Variants in SHOC2 observed in about 807,000 individuals in gnomAD.
The protein encoded by SHOC2 is leucine-rich repeat protein SHOC-2.
Under a neutral mutation model 50.2 loss-of-function variants are expected in SHOC2, and 4 were observed. That is an observed-to-expected ratio of 0.08 (90% CI 0.04 to 0.18). The LOEUF is 0.18. Among genes scored for constraint, SHOC2 ranks in the 10% least tolerant of loss-of-function variants. The probability of loss-of-function intolerance (pLI) is 1.00; values close to 1 mark genes in which losing one functional copy is unlikely to be tolerated. For missense variants in SHOC2, 388 were observed against 669.6 expected (o/e 0.58, Z 4.64); for synonymous variants, 218 against 244.5 (o/e 0.89, Z 1.01).
At chr10:110,981,866 ATTTATTT>A (rs1298339377) in intron 2 of SHOC2, among the ~76,000 whole-genome samples, 4 of 2,256 alleles carry the variant, frequency 1.8e-3, no homozygotes, top group Non-Finnish European at 0.011. Context: ...TTATTTATTT[ATTTATTT>A]TTTTAAGTTT....
intron 5 of SHOC2, among the ~76,000 whole-genome samples, chr10:111,006,795 C>T (rs1848476945): frequency 2.0e-5 from 3 of 152,188 alleles, no homozygotes; most frequent in South Asian, 4.1e-4. Flanking sequence ...TGATTATCCT[C>T]TCCCAATACC....
chr10:110,985,843 G>T, intron 3 of SHOC2, 78 bp downstream of exon 3: 1 of 1,275,450 alleles, frequency 7.8e-7, no homozygotes. Flanking sequence ...GATCCATTTG[G>T]TAATGAAAAT....
At chr10:110,962,746 A>G (rs1428389018) in intron 1 of SHOC2, among the ~76,000 whole-genome samples, 3 of 152,126 alleles carry the variant, frequency 2.0e-5, no homozygotes, top group Admixed American at 2.0e-4. Flanking sequence ...CCCACCTGTA[A>G]TGCTTTGCCA....
At chr10:111,003,604 C>T (rs1848418627) in intron 4 of SHOC2, among the ~76,000 whole-genome samples, 1 of 152,082 alleles carries the variant, frequency 6.6e-6, no homozygotes. Flanking sequence ...GCCAAAGTCA[C>T]AAGCTATTTA....
chr10:110,985,846 A>G, intron 3 of SHOC2, 81 bp downstream of exon 3: 1 of 1,243,880 alleles, frequency 8.0e-7, no homozygotes, highest in Non-Finnish European at 1.2e-6. Context: ...CCATTTGGTA[A>G]TGAAAATTCA....
chr10:110,976,971 C>T (rs1387414212), intron 2 of SHOC2, among the ~76,000 whole-genome samples: 1 of 151,982 alleles, frequency 6.6e-6, no homozygotes, highest in Non-Finnish European at 1.5e-5. Context: ...AATTTTATTG[C>T]TATTTTTTTG....
intron 1 of SHOC2, among the ~76,000 whole-genome samples, chr10:110,945,309 C>T (rs1847226045): frequency 6.6e-6 from 1 of 152,148 alleles, no homozygotes; most frequent in South Asian, 2.1e-4. Flanking sequence ...GAGAATGAAG[C>T]TTTGAATGAG....
chr10:110,927,941 A>C (rs1018024481), intron 1 of SHOC2, among the ~76,000 whole-genome samples: 1 of 152,192 alleles, frequency 6.6e-6, no homozygotes, highest in Non-Finnish European at 1.5e-5. Flanking sequence ...TTATTAGAAA[A>C]AGTTTGATAA....
At chr10:110,990,326 A>G (rs559215842) in intron 3 of SHOC2, among the ~76,000 whole-genome samples, 216 of 151,412 alleles carry the variant, frequency 1.4e-3, no homozygotes, top group African/African-American at 4.7e-3. Context: ...GAGTGCACCA[A>G]TGGACACTCT....
intron 2 of SHOC2, among the ~76,000 whole-genome samples, chr10:110,967,050 T>A (rs1321917514): frequency 6.6e-6 from 1 of 152,104 alleles, no homozygotes; most frequent in Non-Finnish European, 1.5e-5. Context: ...TAAAGGTTAG[T>A]AAAAATAACA....
chr10:110,931,956 A>G (rs1421053706), intron 1 of SHOC2, among the ~76,000 whole-genome samples: 3 of 152,200 alleles, frequency 2.0e-5, no homozygotes, highest in Non-Finnish European at 4.4e-5. Flanking sequence ...TAATAATAGC[A>G]TGATAAGTGT....
At chr10:110,934,021 G>T (rs571562119) in intron 1 of SHOC2, among the ~76,000 whole-genome samples, 25 of 152,148 alleles carry the variant, frequency 1.6e-4, no homozygotes, top group Middle Eastern at 3.4e-3. Flanking sequence ...GGAAAGATCT[G>T]CACACTCTTA....
At chr10:111,005,625 A>G (rs1848452679) in intron 5 of SHOC2, among the ~76,000 whole-genome samples, 2 of 152,210 alleles carry the variant, frequency 1.3e-5, no homozygotes, top group African/African-American at 4.8e-5. Flanking sequence ...TTTAGAGATC[A>G]GAATTATTTA....
chr10:110,964,676 C>T lies in SHOC2; in HGVS notation c.318C>T (p.Asp106=). 1 of 1,614,088 alleles carries T rather than the reference C, an allele frequency of 6.2e-7. No homozygotes were observed. Among genetic ancestry groups the T allele is most frequent in the South Asian group, 1.1e-5 (1 of 91,088 alleles). ...KCREENSMRL[D]LSKRSIHILP... ...GGGAAGAGAATTCAATGCGTTTGGA[C>T]TTATCCAAGAGATCTATACACATAT... Residue 106 remains aspartate (D), a synonymous_variant, in exon 2 of 9, where the codon GAC becomes GAT. Transcript: ENST00000369452. This position sits in a 1 kb window ranked among gnomAD's most constrained non-coding sequence, Gnocchi z 4.9.
At chr10:110,963,595 C>G (rs1847614869) in intron 1 of SHOC2, among the ~76,000 whole-genome samples, 1 of 152,138 alleles carries the variant, frequency 6.6e-6, no homozygotes, top group Admixed American at 6.5e-5. Flanking sequence ...TTAATTGTAG[C>G]TAGAACTGTT....
chr10:110,972,213 A>T (rs1193374160), intron 2 of SHOC2, among the ~76,000 whole-genome samples: 1 of 151,570 alleles, frequency 6.6e-6, no homozygotes, highest in Non-Finnish European at 1.5e-5. Flanking sequence ...ACTTTATTTT[A>T]GTACAGCATT....
chr10:110,969,316 C>G (rs377529436), intron 2 of SHOC2, among the ~76,000 whole-genome samples: 1 of 152,114 alleles, frequency 6.6e-6, no homozygotes, highest in East Asian at 1.9e-4. Flanking sequence ...AGTCAAGAAC[C>G]CATGTTTTCA....
intron 1 of SHOC2, among the ~76,000 whole-genome samples, chr10:110,925,958 T>A (rs1846762729): frequency 6.6e-6 from 1 of 152,210 alleles, no homozygotes; most frequent in African/African-American, 2.4e-5. Context: ...GCCTTAAACA[T>A]GTTGTTACAC....
intron 2 of SHOC2, among the ~76,000 whole-genome samples, chr10:110,980,484 C>G (rs2134141629): frequency 6.6e-6 from 1 of 152,274 alleles, no homozygotes; most frequent in East Asian, 1.9e-4. Flanking sequence ...CTTCCACTGC[C>G]ATTGAGGTAG....
Sources: gnomAD v4.1 joint callset for allele counts (sites outside exome capture counted in the v4.1 genomes callset) on GRCh38, gnomAD v4.1.1 for gene constraint, Gnocchi (gnomAD v3.1) non-coding constraint, MANE v1.5 for transcripts, NCBI Gene and HGNC (gene_info 2026-07-23, HGNC 2026-07-21) for gene names.